The following MEIKIN variants were observed in gnomAD, a reference collection of about 807,000 sequenced individuals.
The protein encoded by MEIKIN is meiotic kinetochore factor.
intron 9 of MEIKIN, among the ~76,000 whole-genome samples, chr5:131,867,260 A>G (rs1424402168): frequency 6.6e-6 from 1 of 152,224 alleles, no homozygotes; most frequent in Non-Finnish European, 1.5e-5. Context: ...AGCAGAAAAT[A>G]TAGACTTCTC....
At chr5:131,893,326 A>C (rs1200163520) in intron 8 of MEIKIN, among the ~76,000 whole-genome samples, 1 of 152,196 alleles carries the variant, frequency 6.6e-6, no homozygotes, top group African/African-American at 2.4e-5. Flanking sequence ...GTTGCCTTGC[A>C]GTTTGATCTC....
rs974783922 is a variant in MEIKIN at position 131,877,691 on chromosome 5, G to A, written c.774+1287C>T. The stretch of plus-strand genomic sequence containing the variant: ...AAAAGACCCCGATGCCATGCCTAAC[G>A]TAATGATTCATAAGTAATCTTCAGC... On this transcript the variant is annotated intron_variant, in intron 9 of 12. Coordinates refer to ENST00000442687, the MANE Select transcript of MEIKIN (RefSeq NM_001303622.2). Among the ~76,000 whole-genome samples, 6 of 152,114 alleles carry A rather than the reference G, an allele frequency of 3.9e-5. No homozygotes were observed. The East Asian group carries it at 5.8e-4, about 15-fold the overall frequency.
intron 8 of MEIKIN, among the ~76,000 whole-genome samples, chr5:131,885,969 ATAAC>A (rs1192829692): frequency 6.6e-6 from 1 of 152,254 alleles, no homozygotes; most frequent in Non-Finnish European, 1.5e-5. Context: ...AGAAATTTAA[ATAAC>A]TAAAAAGAAA....
chr5:131,870,051 A>G (rs947535145), intron 9 of MEIKIN, among the ~76,000 whole-genome samples: 2 of 152,184 alleles, frequency 1.3e-5, no homozygotes, highest in Non-Finnish European at 2.9e-5. Context: ...TGGAAGTCCT[A>G]CAATTGACTT....
intron 8 of MEIKIN, among the ~76,000 whole-genome samples, chr5:131,879,473 G>A (rs1432399045): frequency 2.0e-5 from 3 of 152,130 alleles, no homozygotes; most frequent in African/African-American, 7.2e-5. Flanking sequence ...GTACAGTGGC[G>A]AAGCCTCGGC....
intron 8 of MEIKIN, among the ~76,000 whole-genome samples, chr5:131,895,888 A>G (rs369161581): frequency 3.9e-5 from 6 of 152,104 alleles, no homozygotes; most frequent in African/African-American, 1.4e-4. Context: ...TATCTCCTTC[A>G]GTTCTGCTCT....
intron 9 of MEIKIN, among the ~76,000 whole-genome samples, chr5:131,863,572 T>TTTTTC (rs1166915262): frequency 6.9e-6 from 1 of 144,286 alleles, no homozygotes; most frequent in African/African-American, 2.8e-5. Context: ...TTTTTTTTTT[T>TTTTTC]TTTTTTTTTT....
intron 12 of MEIKIN, among the ~76,000 whole-genome samples, chr5:131,810,557 T>C (rs187605863): frequency 1.3e-5 from 2 of 152,344 alleles, no homozygotes; most frequent in East Asian, 3.9e-4. Context: ...TAAAATAGAC[T>C]AATGAAATGG....
intron 9 of MEIKIN, among the ~76,000 whole-genome samples, chr5:131,873,762 A>C (rs1750554609): frequency 6.6e-6 from 1 of 152,240 alleles, no homozygotes; most frequent in Admixed American, 6.5e-5. Context: ...CTCCTCAGCA[A>C]ATGTAAAAGA....
intron 11 of MEIKIN, among the ~76,000 whole-genome samples, chr5:131,835,167 CAT>C (rs1021230846): frequency 1.9e-4 from 24 of 127,442 alleles, no homozygotes; most frequent in African/African-American, 8.1e-4. Flanking sequence ...TTTTGTGTTC[CAT>C]ATATATATGT....
rs558084181 is a variant in MEIKIN at position 131,912,306 on chromosome 5, ATATTATTAT to A, written c.639-436_639-428del. Among the ~76,000 whole-genome samples, 3 of 150,112 alleles carry A rather than the reference ATATTATTAT, an allele frequency of 2.0e-5. No homozygotes were observed. The East Asian group carries it at 5.8e-4, about 29-fold the overall frequency. ...TGACAGATTGATTATTATTATTATT[ATATTATTAT>A]TATTATTATTGAGAGAGGGTCTTGC... is the stretch of plus-strand genomic sequence containing the variant. On this transcript the variant is annotated intron_variant, in intron 7 of 12. Transcript: ENST00000442687.
At chr5:131,845,634 A>G (rs1750006153) in intron 11 of MEIKIN, among the ~76,000 whole-genome samples, 3 of 152,040 alleles carry the variant, frequency 2.0e-5, no homozygotes, top group Non-Finnish European at 4.4e-5. Flanking sequence ...CTAGAGCTTA[A>G]AAGTACAATA....
intron 11 of MEIKIN, among the ~76,000 whole-genome samples, chr5:131,821,645 T>G (rs1749507603): frequency 6.8e-6 from 1 of 147,470 alleles, no homozygotes; most frequent in South Asian, 2.2e-4. Context: ...TTTTTTTTTT[T>G]TTTTTTTTTT....
intron 9 of MEIKIN, among the ~76,000 whole-genome samples, chr5:131,860,149 G>A (rs1364564381): frequency 6.6e-6 from 1 of 152,082 alleles, no homozygotes; most frequent in Non-Finnish European, 1.5e-5. Flanking sequence ...AGGTAGTATG[G>A]TCATGTCTAA....
chr5:131,885,645 TAAG>T (rs1471360369), intron 8 of MEIKIN, among the ~76,000 whole-genome samples: 2 of 152,166 alleles, frequency 1.3e-5, no homozygotes, highest in African/African-American at 4.8e-5. Context: ...AAAGTCTTCC[TAAG>T]AAGGACAGGT....
At chr5:131,888,906 T>A (rs1353455307) in intron 8 of MEIKIN, among the ~76,000 whole-genome samples, 2 of 152,196 alleles carry the variant, frequency 1.3e-5, no homozygotes, top group African/African-American at 4.8e-5. Context: ...AAGGAAGGGA[T>A]CCAGTTTCAG....
intron 8 of MEIKIN, among the ~76,000 whole-genome samples, chr5:131,908,831 A>G (rs1164859450): frequency 5.3e-5 from 8 of 152,206 alleles, no homozygotes; most frequent in Non-Finnish European, 8.8e-5. Flanking sequence ...CATTTACAAG[A>G]GCAACAAATA....
chr5:131,822,573 C>T (rs898244777), intron 11 of MEIKIN, among the ~76,000 whole-genome samples: 1 of 152,146 alleles, frequency 6.6e-6, no homozygotes, highest in African/African-American at 2.4e-5. Context: ...AATATTAAAA[C>T]TCTATAACTT....
intron 11 of MEIKIN, among the ~76,000 whole-genome samples, chr5:131,848,843 G>A (rs148186929): frequency 9.2e-4 from 140 of 152,106 alleles, no homozygotes; most frequent in African/African-American, 3.2e-3. Flanking sequence ...GGTTTTATTC[G>A]TGGAATGCAA....
Sources: allele counts gnomAD v4.1 joint callset (sites outside exome capture counted in the v4.1 genomes callset), GRCh38; gene constraint gnomAD v4.1.1; transcripts MANE v1.5; gene names NCBI Gene and HGNC (gene_info 2026-07-23, HGNC 2026-07-21).